The following ORC4 variants were observed in gnomAD, a reference collection of about 807,000 sequenced individuals.
ORC4 encodes the protein origin recognition complex, subunit 4 homolog.
Under a neutral mutation model 63.9 loss-of-function variants are expected in ORC4, and 55 were observed. The ratio of observed to expected loss-of-function variants is 0.86; its 90% CI spans 0.69 to 1.08. The LOEUF (loss-of-function observed/expected upper bound fraction) is 1.08, where lower values mean the gene tolerates loss of function less well. Among genes scored for constraint, ORC4 ranks in the 50% least tolerant of loss-of-function variants. The pLI, the probability that ORC4 is intolerant of heterozygous loss-of-function variation, is 0.00. For missense variants in ORC4, 511 were observed against 504.4 expected, an observed-to-expected ratio of 1.01 and a Z score of -0.13; for synonymous variants, 150 against 168.5, an observed-to-expected ratio of 0.89 and a Z score of 0.85.
rs1688157112 is a variant in ORC4 at position 147,938,131 on chromosome 2, C to CA, written c.1122+14dup. 3.2e-6 allele frequency: 5 copies of CA among 1,574,128 alleles called. No homozygotes were observed. The highest frequency in any genetic ancestry group is 3.5e-6 in the Non-Finnish European group (4 of 1,144,524). On this transcript the variant is annotated intron_variant, in intron 13 of 13. Transcript: ENST00000392857. ...ATACTTGTCTGTAGAAAAATGACAGCAAACTAAATCTTACCTTCATGACAA... is the reference window on the plus strand; with the variant it reads ...ATACTTGTCTGTAGAAAAATGACAGCAAAACTAAATCTTACCTTCATGACAA...
At chr2:148,017,323 T>C (rs902101736) in intron 1 of ORC4, among the ~76,000 whole-genome samples, 3 of 152,258 alleles carry the variant, frequency 2.0e-5, no homozygotes, top group African/African-American at 7.2e-5. Flanking sequence ...AACATTACAA[T>C]GCAGATGCTA....
intron 1 of ORC4, among the ~76,000 whole-genome samples, chr2:147,991,963 T>A (rs1691641403): frequency 6.6e-6 from 1 of 152,206 alleles, no homozygotes; most frequent in Non-Finnish European, 1.5e-5. Context: ...TTGGAGGACT[T>A]CTTTAAAGTA....
In ORC4 at chr2:148,001,109, G is replaced by C. The variant is rs898501080; in HGVS notation, c.-18+19524C>G. Among the ~76,000 whole-genome samples the C allele has an allele frequency of 1.1e-4, 16 of 152,082 alleles. 1 individual carries two copies. Among genetic ancestry groups the C allele is most frequent in the African/African-American group, 3.6e-4 (15 of 41,412 alleles). On this transcript the variant is annotated intron_variant, in intron 1 of 13. Coordinates refer to ENST00000392857, the MANE Select transcript of ORC4 (RefSeq NM_181741.4). The stretch of plus-strand genomic sequence containing the variant: ...AACATCACAGCCTTCCTGGGATTAA[G>C]CAAATAAGGCGATAAAGGCCCAATC...
intron 1 of ORC4, among the ~76,000 whole-genome samples, chr2:147,982,719 T>C (rs1039026950): frequency 6.6e-6 from 1 of 152,238 alleles, no homozygotes. Flanking sequence ...AAGGTTATTT[T>C]GACATCTTCC....
Position 148,012,663 on chromosome 2 carries a change from T to C in ORC4, c.-18+7970A>G, listed in dbSNP as rs147741037. ...AAAACAATAAAATGAAGATATAACA[T>C]GTAGAATGGGAGAAAATATTTCAAA... is the stretch of plus-strand genomic sequence containing the variant. On this transcript the variant is annotated intron_variant, in intron 1 of 13. Transcript: ENST00000392857. 1.5e-4 allele frequency among the ~76,000 whole-genome samples: 23 copies of C among 152,030 alleles called. No individual in the cohort carries two copies. The East Asian group carries it at 3.7e-3, about 24-fold the overall frequency.
chr2:147,990,672 T>C (rs1691527073), intron 1 of ORC4, among the ~76,000 whole-genome samples: 1 of 152,202 alleles, frequency 6.6e-6, no homozygotes, highest in African/African-American at 2.4e-5. Flanking sequence ...TGGTAATTAC[T>C]GACAGTTTTG....
intron 1 of ORC4, among the ~76,000 whole-genome samples, chr2:148,005,650 TC>T: frequency 1.1e-5 from 1 of 88,458 alleles, no homozygotes; most frequent in African/African-American, 4.5e-5. Flanking sequence ...TGAACAACTA[TC>T]CATGCAAAAA....
intron 10 of ORC4, among the ~76,000 whole-genome samples, chr2:147,941,879 T>C (rs561524046): frequency 1.3e-5 from 2 of 151,956 alleles, no homozygotes; most frequent in East Asian, 1.9e-4. Flanking sequence ...CTTTTGACAA[T>C]AGAAGAAAAG....
At chr2:148,014,586 T>A (rs1693151729) in intron 1 of ORC4, among the ~76,000 whole-genome samples, 1 of 152,212 alleles carries the variant, frequency 6.6e-6, no homozygotes. Flanking sequence ...ACTGGAATTA[T>A]CTTCAACAAA....
chr2:147,937,980 C>T, intron 13 of ORC4, 166 bp downstream of exon 13: 2 of 644,860 alleles, frequency 3.1e-6, no homozygotes, highest in East Asian at 2.7e-5. Context: ...CCGGTCACTT[C>T]CTCAGATTTT....
intron 1 of ORC4, among the ~76,000 whole-genome samples, chr2:147,983,838 T>C (rs550264832): frequency 6.6e-6 from 1 of 152,222 alleles, no homozygotes; most frequent in Non-Finnish European, 1.5e-5. Flanking sequence ...TTTCAACATA[T>C]GGGTCTTAGA....
rs375326113 is a variant in ORC4 at position 147,939,200 on chromosome 2, C to A, written c.898G>T (p.Val300Leu). 49 of 1,612,772 alleles carry A rather than the reference C, an allele frequency of 3.0e-5. No individual in the cohort carries two copies. In the Admixed American group the frequency reaches 4.7e-4, roughly 15 times the overall value. The change falls in exon 11 of 14, where the codon GTA (valine) becomes TTA (leucine). Residue 300 changes from valine to leucine, a missense_variant. Val to Leu is a conservative substitution (Grantham distance 32). Transcript: ENST00000392857. ...VTASHPFMTA[V>L]DLMEASQLCS... ...AGTTGGCTTGCTTCCATTAGATCTACGGCAGTCATAAATGGGTGCGATGCT... is the reference window on the plus strand; with the variant it reads ...AGTTGGCTTGCTTCCATTAGATCTAAGGCAGTCATAAATGGGTGCGATGCT...
chr2:147,967,155 T>C (rs1228497835), intron 4 of ORC4, among the ~76,000 whole-genome samples: 2 of 151,440 alleles, frequency 1.3e-5, no homozygotes, highest in African/African-American at 2.4e-5. Context: ...TGATAGAAAC[T>C]GTCAAAAAGG....
chr2:148,019,262 A>C (rs1460326650), intron 1 of ORC4, among the ~76,000 whole-genome samples: 1 of 152,240 alleles, frequency 6.6e-6, no homozygotes. Context: ...AAAACGTGGA[A>C]AATTAGTAAC....
intron 6 of ORC4, among the ~76,000 whole-genome samples, chr2:147,957,098 T>C (rs1332389896): frequency 6.8e-6 from 1 of 148,024 alleles, no homozygotes; most frequent in Non-Finnish European, 1.5e-5. Flanking sequence ...AATATTTTTA[T>C]AGATTAATAT....
Position 148,002,284 on chromosome 2 carries a change from C to G in ORC4, c.-18+18349G>C, listed in dbSNP as rs548542817. On this transcript the variant is annotated intron_variant, in intron 1 of 13. Transcript: ENST00000392857. The stretch of plus-strand genomic sequence containing the variant: ...GGACCTAATAGACATCTACAGAACT[C>G]TCCACCCCAAATCAACAGAATATAC... Among the ~76,000 whole-genome samples the G allele has an allele frequency of 2.6e-5, 4 of 152,290 alleles. No homozygotes were observed. The South Asian group carries it at 8.3e-4, about 32-fold the overall frequency.
chr2:148,016,766 A>C (rs974258580), intron 1 of ORC4, among the ~76,000 whole-genome samples: 5 of 152,238 alleles, frequency 3.3e-5, no homozygotes, highest in Admixed American at 6.5e-5. Flanking sequence ...TAATTAATAA[A>C]GATATGTTAG....
At position 147,931,901 on chromosome 2, in the gene ORC4, C is replaced by T. The variant is rs1425264259; in HGVS notation, c.*3609G>A. Reference sequence around the variant, plus strand: ...ATTCCCTTTGAAAACTGGCACAAGACAGGGATGCCCTCTCTCACCACTCGT... The same window carrying T: ...ATTCCCTTTGAAAACTGGCACAAGATAGGGATGCCCTCTCTCACCACTCGT... On this transcript the variant is annotated 3_prime_UTR_variant, in exon 14 of 14. Coordinates refer to ENST00000392857, the MANE Select transcript of ORC4 (RefSeq NM_181741.4). 6.6e-6 allele frequency: 1 copy of T among 151,534 alleles called. No homozygotes were observed. The highest frequency in any genetic ancestry group is 1.9e-4 in the East Asian group (1 of 5,160). 9.4% of individuals were successfully genotyped at this position (151,534 alleles called of 1,614,324 possible).
intron 1 of ORC4, among the ~76,000 whole-genome samples, chr2:147,995,410 G>C (rs1384876193): frequency 2.0e-5 from 3 of 152,178 alleles, no homozygotes; most frequent in Non-Finnish European, 4.4e-5. Context: ...CAATCAGCAG[G>C]ATGTGCGTGG....
Sources: gnomAD v4.1 joint callset for allele counts (sites outside exome capture counted in the v4.1 genomes callset) on GRCh38, gnomAD v4.1.1 for gene constraint, MANE v1.5 for transcripts, NCBI Gene and HGNC (gene_info 2026-07-23, HGNC 2026-07-21) for gene names.